The following TENM4 variants were observed in gnomAD, a reference collection of about 807,000 sequenced individuals.
TENM4 encodes teneurin-4.
Under a neutral mutation model 243.3 loss-of-function variants are expected in TENM4, and 82 were observed. The ratio of observed to expected loss-of-function variants is 0.34; its 90% CI spans 0.28 to 0.40. The LOEUF (loss-of-function observed/expected upper bound fraction) is 0.40, where lower values mean the gene tolerates loss of function less well. TENM4 is among the 10% of genes least tolerant of loss of function. The probability of loss-of-function intolerance (pLI) is 1.00; values close to 1 mark genes in which losing one functional copy is unlikely to be tolerated. For synonymous variants in TENM4, 1,412 were observed against 1,456.3 expected (o/e 0.97, Z 0.69); for missense variants, 3,138 against 3,673.3 (o/e 0.85, Z 3.77).
chr11:79,339,438 CCTT>C (rs1462430357), intron 1 of TENM4, among the ~76,000 whole-genome samples: 2 of 152,268 alleles, frequency 1.3e-5, no homozygotes, highest in East Asian at 3.9e-4. Context: ...AGTTCTGCAT[CCTT>C]CTTTATTTTA....
intron 6 of TENM4, among the ~76,000 whole-genome samples, chr11:78,923,815 C>T (rs1285344252): frequency 7.0e-6 from 1 of 143,372 alleles, no homozygotes; most frequent in African/African-American, 2.6e-5. Context: ...GCTAGGATTA[C>T]AAGCATGAGC....
intron 27 of TENM4, among the ~76,000 whole-genome samples, chr11:78,704,024 C>T (rs867586525): frequency 1.6e-4 from 21 of 129,002 alleles, no homozygotes; most frequent in African/African-American, 3.3e-4. Context: ...CACACACACA[C>T]ATATATATAT....
At chr11:79,215,317 C>A (rs770466456) in intron 3 of TENM4, among the ~76,000 whole-genome samples, 1 of 152,146 alleles carries the variant, frequency 6.6e-6, no homozygotes, top group Non-Finnish European at 1.5e-5. Flanking sequence ...GCCTCCAGAC[C>A]ACCTGCCTTC....
chr11:78,988,809 G>A (rs1857976918), intron 6 of TENM4, among the ~76,000 whole-genome samples: 1 of 152,144 alleles, frequency 6.6e-6, no homozygotes, highest in Admixed American at 6.5e-5. Flanking sequence ...TGAGTAGCTG[G>A]GACTACAGGC....
intron 3 of TENM4, among the ~76,000 whole-genome samples, chr11:79,179,828 G>A (rs911129358): frequency 4.0e-5 from 6 of 151,774 alleles, no homozygotes; most frequent in African/African-American, 1.2e-4. Context: ...TGTTTTAAGA[G>A]CAGAGCTATG....
At chr11:78,732,702 G>C (rs1240899484) in intron 20 of TENM4, 125 bp from the exon 21 acceptor site, 5 of 1,125,856 alleles carry the variant, frequency 4.4e-6, no homozygotes, top group African/African-American at 3.1e-5. Context: ...CTTGAGGGAG[G>C]CTCTAATGCC....
At chr11:78,738,606 C>A in intron 19 of TENM4, 36 bp from the exon 20 acceptor site, 1 of 1,599,866 alleles carries the variant, frequency 6.3e-7, no homozygotes, top group South Asian at 1.1e-5. Context: ...CATGATACAC[C>A]TTTCATGGTC....
intron 4 of TENM4, among the ~76,000 whole-genome samples, chr11:79,138,404 A>C (rs1290422120): frequency 8.5e-6 from 1 of 117,644 alleles, no homozygotes; most frequent in Non-Finnish European, 1.6e-5. Flanking sequence ...AGTTATATAT[A>C]AATAAAATAT....
At chr11:79,266,522 G>T (rs1266236233) in intron 2 of TENM4, among the ~76,000 whole-genome samples, 2 of 152,170 alleles carry the variant, frequency 1.3e-5, no homozygotes, top group African/African-American at 4.8e-5. Context: ...CTTCTGAAAG[G>T]CACAGGCCCT....
intron 6 of TENM4, among the ~76,000 whole-genome samples, chr11:78,913,583 ATGTGTG>A (rs55835050): frequency 0.079 from 11,219 of 141,754 alleles, 458 homozygotes; most frequent in East Asian, 0.12. Context: ...GGTAAGAGGT[ATGTGTG>A]TGTGTGTGTG....
chr11:78,932,257 C>T (rs1856685754), intron 6 of TENM4, among the ~76,000 whole-genome samples: 1 of 152,110 alleles, frequency 6.6e-6, no homozygotes, highest in African/African-American at 2.4e-5. Flanking sequence ...AACAATAACC[C>T]CCTCACCACC....
chr11:79,388,610 T>G (rs117481899), intron 1 of TENM4, among the ~76,000 whole-genome samples: 1 of 152,200 alleles, frequency 6.6e-6, no homozygotes, highest in African/African-American at 2.4e-5. Context: ...CCTCCCAGGC[T>G]ACTTAGTTTG....
intron 2 of TENM4, among the ~76,000 whole-genome samples, chr11:79,222,986 G>T (rs533017522): frequency 1.3e-5 from 2 of 152,152 alleles, no homozygotes; most frequent in East Asian, 3.9e-4. Context: ...GGCCTGTCAG[G>T]GGGTTTGGGG....
At chr11:79,169,383 G>A (rs1478364324) in intron 3 of TENM4, among the ~76,000 whole-genome samples, 2 of 152,174 alleles carry the variant, frequency 1.3e-5, no homozygotes, top group Admixed American at 1.3e-4. Context: ...TCGCAAGAGG[G>A]AGGGCGGTGG....
At chr11:78,858,693 T>G (rs918334893) in intron 10 of TENM4, among the ~76,000 whole-genome samples, 1 of 152,092 alleles carries the variant, frequency 6.6e-6, no homozygotes, top group Non-Finnish European at 1.5e-5. Flanking sequence ...TCCTCCACCA[T>G]GAAGCAAAAG....
At chr11:78,886,925 C>G (rs946004176) in intron 9 of TENM4, among the ~76,000 whole-genome samples, 8 of 152,346 alleles carry the variant, frequency 5.3e-5, no homozygotes, top group Middle Eastern at 3.4e-3. Context: ...TCTTCTCCAC[C>G]TACGTTGTCA....
chr11:79,019,349 T>C (rs1017193993), intron 6 of TENM4, among the ~76,000 whole-genome samples: 5 of 152,094 alleles, frequency 3.3e-5, no homozygotes, highest in African/African-American at 1.2e-4. Context: ...TCTTTGGGAA[T>C]GGGGGAAGGA....
chr11:78,779,159 A>G (rs937692092), intron 16 of TENM4, among the ~76,000 whole-genome samples: 6 of 152,224 alleles, frequency 3.9e-5, no homozygotes, highest in African/African-American at 1.4e-4. Context: ...AAGGGGGTTG[A>G]GTCTTTGGTC....
rs149568791 is a variant in TENM4 at position 78,820,930 on chromosome 11, G to A, written c.1682-6535C>T. On this transcript the variant is annotated intron_variant, in intron 12 of 33. Coordinates refer to ENST00000278550, the MANE Select transcript of TENM4 (RefSeq NM_001098816.3). Reference sequence around the variant, plus strand: ...GATTGGCACTGGGCAGGTGCCAGGTGCTGGAAAGCTGTTCCATGGCCTGTG... The same window carrying A: ...GATTGGCACTGGGCAGGTGCCAGGTACTGGAAAGCTGTTCCATGGCCTGTG... 2.4e-3 allele frequency among the ~76,000 whole-genome samples: 363 copies of A among 152,360 alleles called. 2 individuals carry two copies. Among genetic ancestry groups the A allele is most frequent in the African/African-American group, 7.8e-3 (324 of 41,572 alleles).
Sources: allele counts gnomAD v4.1 joint callset (sites outside exome capture counted in the v4.1 genomes callset), GRCh38; gene constraint gnomAD v4.1.1; transcripts MANE v1.5; gene names NCBI Gene and HGNC (gene_info 2026-07-23, HGNC 2026-07-21).